Variants in TNS1 observed in about 807,000 individuals in gnomAD.
TNS1 encodes tensin 1, also known as tensin-1.
In TNS1, 62 loss-of-function variants were observed where a neutral mutation model predicts 168.6. The ratio of observed to expected loss-of-function variants is 0.37; its 90% CI spans 0.30 to 0.45. The LOEUF (loss-of-function observed/expected upper bound fraction) is 0.45, where lower values mean the gene tolerates loss of function less well. TNS1 is among the 20% of genes least tolerant of loss of function. The pLI, the probability that TNS1 is intolerant of heterozygous loss-of-function variation, is 1.00. For missense variants in TNS1, 2,240 were observed against 2,339.4 expected (o/e 0.96, Z 0.88); for synonymous variants, 934 against 933.2 (o/e 1.00, Z -0.02).
intron 1 of TNS1, among the ~76,000 whole-genome samples, chr2:217,996,832 C>T (rs549257040): frequency 2.0e-5 from 3 of 152,262 alleles, no homozygotes; most frequent in East Asian, 3.9e-4. Flanking sequence ...CCTCCACTCA[C>T]CCCAAATGCT....
chr2:217,864,975 A>G (rs1456908665), intron 18 of TNS1, among the ~76,000 whole-genome samples: 2 of 151,716 alleles, frequency 1.3e-5, no homozygotes, highest in African/African-American at 4.9e-5. Flanking sequence ...TGTGCAGAGG[A>G]GCCCATGTGG....
chr2:217,871,570 A>G (rs1054770454), intron 18 of TNS1, among the ~76,000 whole-genome samples: 1 of 152,230 alleles, frequency 6.6e-6, no homozygotes, highest in African/African-American at 2.4e-5. Flanking sequence ...GTCTTACTCA[A>G]AAGTTCAGAA....
In TNS1 at chr2:217,818,215, T is replaced by A. The variant is rs1404304100; in HGVS notation, c.4117A>T (p.Ser1373Cys). The A allele has an allele frequency of 1.9e-6, 3 of 1,613,624 alleles. No homozygotes were observed. In the African/African-American group the frequency reaches 4.0e-5, roughly 22 times the overall value. The change falls in exon 24 of 33, where the codon AGT (serine) becomes TGT (cysteine). Residue 1373 changes from serine to cysteine, a missense_variant. Coordinates refer to ENST00000682258, the MANE Select transcript of TNS1 (RefSeq NM_001387777.1). ...CCAGGGTGCCGGCCCAGGCTGGGAC[T>A]CCCCGGGGTGGTGGCCACTTTGTTG... ...LHNKVATTPG[S>C]PSLGRHPGAH...
Position 218,033,541 on chromosome 2 carries a change from C to T in TNS1, c.156+279G>A, listed in dbSNP as rs1480696520. Among the ~76,000 whole-genome samples, 1 of 152,170 alleles carries T rather than the reference C, an allele frequency of 6.6e-6. No homozygotes were observed. The highest frequency in any genetic ancestry group is 1.5e-5 in the Non-Finnish European group (1 of 68,010). ...CTGCCCCTCCTGGGTGACTCCTAAA[C>T]CAACCTCACCCAACCTATTTGCCCT... is the stretch of plus-strand genomic sequence containing the variant. On this transcript the variant is annotated intron_variant, in intron 1 of 1. Coordinates refer to the TNS1 transcript ENST00000649572. This position sits in a 1 kb window ranked among gnomAD's most constrained non-coding sequence, Gnocchi z 4.3.
In TNS1 at chr2:217,958,647, C is replaced by T. The variant is rs192058124; in HGVS notation, c.186+20118G>A. 2.2e-4 allele frequency among the ~76,000 whole-genome samples: 33 copies of T among 152,310 alleles called. No individual in the cohort carries two copies. In the East Asian group the frequency reaches 3.5e-3, roughly 16 times the overall value. On this transcript the variant is annotated intron_variant, in intron 3 of 32. Coordinates refer to ENST00000682258, the MANE Select transcript of TNS1 (RefSeq NM_001387777.1). ...TAAAGTGTGACTGAGAGAGGAGAAG[C>T]GACCTTCTCAACGCCCCAAGACCAG... is the stretch of plus-strand genomic sequence containing the variant.
At chr2:217,975,327 C>A (rs1015499517) in intron 3 of TNS1, among the ~76,000 whole-genome samples, 3 of 152,154 alleles carry the variant, frequency 2.0e-5, no homozygotes, top group African/African-American at 4.8e-5. Flanking sequence ...CCTGACCCCC[C>A]AAAACATTTA....
At chr2:218,023,899 AC>A (rs1958831258) in intron 1 of TNS1, among the ~76,000 whole-genome samples, 1 of 151,386 alleles carries the variant, frequency 6.6e-6, no homozygotes, top group Non-Finnish European at 1.5e-5. Flanking sequence ...CTCCCCCTAC[AC>A]CCTTCCCCAG....
intron 4 of TNS1, among the ~76,000 whole-genome samples, chr2:217,919,009 G>A (rs1249061765): frequency 1.3e-5 from 2 of 152,020 alleles, no homozygotes; most frequent in African/African-American, 4.8e-5. Context: ...CAGCAGGCCT[G>A]AGCCCGAGCG....
intron 3 of TNS1, among the ~76,000 whole-genome samples, chr2:217,934,417 C>T (rs1027338466): frequency 6.6e-6 from 1 of 152,116 alleles, no homozygotes; most frequent in African/African-American, 2.4e-5. Context: ...TTTCCGGAGC[C>T]CCAGACAGCT....
At chr2:217,922,229 C>T (rs557512453) in intron 3 of TNS1, among the ~76,000 whole-genome samples, 4 of 152,198 alleles carry the variant, frequency 2.6e-5, no homozygotes, top group Non-Finnish European at 1.5e-5. Context: ...ACCCTGCCCA[C>T]GAGACCAGGT....
In TNS1 at chr2:217,892,973, T is replaced by G. The variant is rs772557705; in HGVS notation, c.757A>C (p.Met253Leu). 15 of 1,614,070 alleles carry G rather than the reference T, an allele frequency of 9.3e-6. 1 individual carries two copies. The South Asian group carries it at 1.6e-4, about 18-fold the overall frequency. Residue 253 changes from methionine to leucine, a missense_variant, in exon 11 of 33, where the codon ATG (methionine) becomes CTG (leucine). Physicochemically the swap from Met to Leu is conservative, Grantham distance 15 (BLOSUM62 2). This residue lies in a region of TNS1 where 2,131 missense variants were observed against 2,171.2 expected (regional missense o/e 0.98). Transcript: ENST00000682258. ...GRIGVVIAAYMHYSNISASAD... is the reference protein window; with the variant it reads ...GRIGVVIAAYLHYSNISASAD... Reference sequence around the variant, plus strand: ...CTGGCAGAAATGTTGCTGTAGTGCATGTAAGCCGCGATGACAACTCCTATC... The same window carrying G: ...CTGGCAGAAATGTTGCTGTAGTGCAGGTAAGCCGCGATGACAACTCCTATC...
At chr2:217,942,070 T>C (rs543374579) in intron 3 of TNS1, among the ~76,000 whole-genome samples, 1 of 152,314 alleles carries the variant, frequency 6.6e-6, no homozygotes, top group South Asian at 2.1e-4. Context: ...GTGCTTATAC[T>C]TCCTGGACAC....
rs1220693327 is a variant in TNS1, at chr2:217,821,810, C to T, written c.3502G>A (p.Gly1168Arg). 8 of 1,551,498 alleles carry T rather than the reference C, an allele frequency of 5.2e-6. No individual in the cohort carries two copies. Among genetic ancestry groups the T allele is most frequent in the South Asian group, 2.4e-5 (2 of 81,974 alleles). The stretch of plus-strand genomic sequence containing the variant: ...GAGACAAAGGAGCCACCCAGGGTCC[C>T]GTTCCTCAGGGGTATCTCATGGCCA... Reference protein sequence around the residue: ...AYGHEIPLRNGTLGGSFVSPS... With the variant: ...AYGHEIPLRNRTLGGSFVSPS... The change falls in exon 23 of 33, where the codon GGG becomes AGG. Residue 1168 changes from glycine (G) to arginine (R), a missense_variant. Transcript: ENST00000682258.
chr2:217,851,440 TACACACAC>T (rs3838563), intron 18 of TNS1, among the ~76,000 whole-genome samples: 3 of 139,728 alleles, frequency 2.1e-5, no homozygotes, highest in African/African-American at 5.3e-5. Context: ...TGCATCCCTC[TACACACAC>T]ACACACACAC....
chr2:218,007,020 T>C (rs1958664436), upstream of TNS1, among the ~76,000 whole-genome samples: 3 of 152,018 alleles, frequency 2.0e-5, no homozygotes, highest in African/African-American at 7.3e-5. Flanking sequence ...CTGGATTTTT[T>C]CCCTAAACCC....
chr2:218,026,967 A>T (rs1474739504), intron 1 of TNS1, among the ~76,000 whole-genome samples: 2 of 152,188 alleles, frequency 1.3e-5, no homozygotes, highest in Non-Finnish European at 2.9e-5. Context: ...TGGTGGGCTC[A>T]AGTTCTTGGG....
At chr2:217,877,158 CAA>C (rs1454139798) in intron 18 of TNS1, among the ~76,000 whole-genome samples, 2 of 151,964 alleles carry the variant, frequency 1.3e-5, no homozygotes, top group Non-Finnish European at 2.9e-5. Context: ...CAGGTGAGCC[CAA>C]AGTCTCCACC....
chr2:217,915,205 G>A (rs183625088), intron 4 of TNS1, among the ~76,000 whole-genome samples: 5 of 152,312 alleles, frequency 3.3e-5, no homozygotes, highest in Admixed American at 6.5e-5. Flanking sequence ...GAGCGAGCCC[G>A]CACACTGAAG....
chr2:217,882,524 T>C lies in TNS1; in HGVS notation c.1247-113A>G, dbSNP rs904831809. 8.2e-6 allele frequency: 5 copies of C among 608,042 alleles called. No individual in the cohort carries two copies. The East Asian group carries it at 1.2e-4, about 14-fold the overall frequency. 37.7% of individuals were successfully genotyped at this position (608,042 alleles called of 1,614,324 possible). A position where few individuals can be genotyped will look rare whatever the true frequency, so the allele number is the denominator to read the frequency against. On this transcript the variant is annotated intron_variant, in intron 16 of 32. Transcript: ENST00000682258. ...CCATATATGTACATGGTTAATAATA[T>C]AATAATAATCAATGTATATTTATAC...
Sources: gnomAD v4.1 joint callset for allele counts (sites outside exome capture counted in the v4.1 genomes callset) on GRCh38, gnomAD v4.1.1 for gene constraint, gnomAD v4.1.1 regional missense constraint, Gnocchi (gnomAD v3.1) non-coding constraint, MANE v1.5 for transcripts, NCBI Gene and HGNC (gene_info 2026-07-23, HGNC 2026-07-21) for gene names.